CCSER1: variants seen among roughly 807,000 people sequenced by gnomAD.
CCSER1 encodes serine-rich coiled-coil domain-containing protein 1.
In CCSER1, 41 loss-of-function variants were observed where a neutral mutation model predicts 82.0. That is an observed-to-expected ratio of 0.50 (90% CI 0.39 to 0.65). The LOEUF (loss-of-function observed/expected upper bound fraction) is 0.65, where lower values mean the gene tolerates loss of function less well. Among genes scored for constraint, CCSER1 ranks in the 30% least tolerant of loss-of-function variants. CCSER1 has a pLI of 0.00. For missense variants in CCSER1, 1,119 were observed against 1,064.2 expected, an observed-to-expected ratio of 1.05 and a Z score of -0.72; for synonymous variants, 414 against 383.9, an observed-to-expected ratio of 1.08 and a Z score of -0.92.
At chr4:90,401,231 G>A (rs775147474) in intron 4 of CCSER1, among the ~76,000 whole-genome samples, 3 of 152,098 alleles carry the variant, frequency 2.0e-5, no homozygotes, top group Non-Finnish European at 2.9e-5. Flanking sequence ...TCCTGTAGTT[G>A]ATTTGACAGA....
chr4:90,155,163 T>G (rs1184030794), intron 1 of CCSER1, among the ~76,000 whole-genome samples: 1 of 152,252 alleles, frequency 6.6e-6, no homozygotes, highest in African/African-American at 2.4e-5. Context: ...TTTGGTTCTG[T>G]TTATACGCTG....
At chr4:91,192,648 T>G (rs1735098754) in intron 10 of CCSER1, among the ~76,000 whole-genome samples, 1 of 152,160 alleles carries the variant, frequency 6.6e-6, no homozygotes, top group African/African-American at 2.4e-5. Context: ...AGAACCTTGA[T>G]TTAGCCCTCA....
chr4:91,542,617 T>G (rs951314961), intron 10 of CCSER1, among the ~76,000 whole-genome samples: 10 of 152,164 alleles, frequency 6.6e-5, no homozygotes, highest in Admixed American at 2.0e-4. Flanking sequence ...TGGTTTTGAG[T>G]GAGTTTCTTA....
intron 10 of CCSER1, among the ~76,000 whole-genome samples, chr4:91,479,175 CTT>C (rs572030783): frequency 7.0e-6 from 1 of 142,098 alleles, no homozygotes; most frequent in Non-Finnish European, 1.5e-5. Context: ...TATTTTCTTT[CTT>C]TTTTTTTTTA....
chr4:91,174,692 G>T lies in CCSER1; in HGVS notation c.2217+88698G>T, dbSNP rs1265381701. Among the ~76,000 whole-genome samples, 7 of 152,094 alleles carry T rather than the reference G, an allele frequency of 4.6e-5. No individual in the cohort carries two copies. The East Asian group carries it at 5.8e-4, about 13-fold the overall frequency. Reference sequence around the variant, plus strand: ...ATTATCCAACTATCTAATGTTTAATGTGTTATACCATTGATAAAAATCAGA... The same window carrying T: ...ATTATCCAACTATCTAATGTTTAATTTGTTATACCATTGATAAAAATCAGA... On this transcript the variant is annotated intron_variant, in intron 10 of 10. Transcript: ENST00000509176.
At chr4:91,442,897 G>T (rs897986463) in intron 10 of CCSER1, among the ~76,000 whole-genome samples, 1 of 152,232 alleles carries the variant, frequency 6.6e-6, no homozygotes, top group African/African-American at 2.4e-5. Flanking sequence ...GGCCGTCAGA[G>T]AAATGCAAAT....
chr4:90,756,686 T>G (rs1580327801), intron 7 of CCSER1, among the ~76,000 whole-genome samples: 1 of 152,206 alleles, frequency 6.6e-6, no homozygotes, highest in Non-Finnish European at 1.5e-5. Flanking sequence ...TGGCAAGATA[T>G]AAAAATTATA....
intron 5 of CCSER1, among the ~76,000 whole-genome samples, chr4:90,487,999 A>G (rs1168632475): frequency 6.6e-6 from 1 of 152,168 alleles, no homozygotes; most frequent in Non-Finnish European, 1.5e-5. Flanking sequence ...TTGTCTTCTT[A>G]TAAGGATTGC....
intron 1 of CCSER1, among the ~76,000 whole-genome samples, chr4:90,203,901 G>T (rs1054777334): frequency 6.6e-6 from 1 of 152,096 alleles, no homozygotes; most frequent in Non-Finnish European, 1.5e-5. Flanking sequence ...GCACGAGATG[G>T]TATCTCATTG....
intron 10 of CCSER1, among the ~76,000 whole-genome samples, chr4:91,308,162 A>G (rs995682930): frequency 4.0e-5 from 6 of 151,836 alleles, no homozygotes; most frequent in African/African-American, 1.4e-4. Context: ...GAACGCAAAG[A>G]GATTTTATAC....
chr4:90,324,756 C>A (rs1318555629), intron 3 of CCSER1, among the ~76,000 whole-genome samples: 1 of 152,152 alleles, frequency 6.6e-6, no homozygotes, highest in Non-Finnish European at 1.5e-5. Flanking sequence ...ATGCCTACAT[C>A]CTGAATGGTA....
intron 5 of CCSER1, among the ~76,000 whole-genome samples, chr4:90,539,858 T>A (rs1775884950): frequency 6.6e-6 from 1 of 152,104 alleles, no homozygotes. Flanking sequence ...GTGATCACTT[T>A]TTGTGTAGAG....
In CCSER1 at chr4:90,158,904, G is replaced by A. The variant is rs555283053; in HGVS notation, c.-42+31073G>A. On this transcript the variant is annotated intron_variant, in intron 1 of 10. Coordinates refer to ENST00000509176, the MANE Select transcript of CCSER1 (RefSeq NM_001145065.2). ...ACCCACTGTCCTGCGCCCACTATCTGGCACTCCGCAGTGAGATGAACCCAG... is the reference window on the plus strand; with the variant it reads ...ACCCACTGTCCTGCGCCCACTATCTAGCACTCCGCAGTGAGATGAACCCAG... Among the ~76,000 whole-genome samples the A allele has an allele frequency of 9.4e-4, 143 of 152,182 alleles. 3 individuals are homozygous for A. The highest frequency in any genetic ancestry group is 2.6e-4 in the Non-Finnish European group (18 of 67,992).
intron 7 of CCSER1, among the ~76,000 whole-genome samples, chr4:90,803,631 T>C (rs1352031584): frequency 6.6e-6 from 1 of 152,216 alleles, no homozygotes; most frequent in Non-Finnish European, 1.5e-5. Flanking sequence ...TTTGGGTTGG[T>C]TCCAAGTCTT....
In CCSER1 at chr4:90,221,787, A is replaced by T. The variant is rs367804991; in HGVS notation, c.-41-86457A>T. On this transcript the variant is annotated intron_variant, in intron 1 of 10. Transcript: ENST00000509176. ...GAGTTTAGATGCCTTGACTATTTGA[A>T]CTGATCTGGTACAGGACAAAAACTA... Among the ~76,000 whole-genome samples the T allele has an allele frequency of 1.8e-3, 281 of 152,246 alleles. 1 individual carries two copies. Among genetic ancestry groups the T allele is most frequent in the African/African-American group, 5.9e-3 (246 of 41,566 alleles).
At chr4:91,266,953 A>G (rs886880217) in intron 10 of CCSER1, among the ~76,000 whole-genome samples, 1 of 152,154 alleles carries the variant, frequency 6.6e-6, no homozygotes, top group South Asian at 2.1e-4. Context: ...CTGATTCCAG[A>G]TAATTGGAAA....
At chr4:90,474,422 G>A (rs961530519) in intron 5 of CCSER1, among the ~76,000 whole-genome samples, 1 of 152,182 alleles carries the variant, frequency 6.6e-6, no homozygotes, top group African/African-American at 2.4e-5. Context: ...CAAGTGACAT[G>A]GTTAGATTTG....
intron 5 of CCSER1, among the ~76,000 whole-genome samples, chr4:90,616,425 A>G (rs1306641426): frequency 6.6e-6 from 1 of 152,150 alleles, no homozygotes; most frequent in Non-Finnish European, 1.5e-5. Context: ...TCACACCTGT[A>G]ATCCTAGCAC....
intron 9 of CCSER1, among the ~76,000 whole-genome samples, chr4:91,018,328 T>C (rs1022073735): frequency 6.6e-6 from 1 of 152,122 alleles, no homozygotes; most frequent in African/African-American, 2.4e-5. Flanking sequence ...TTTCTTACCC[T>C]GCTTTGAATC....
Sources: gnomAD v4.1 joint callset for allele counts (sites outside exome capture counted in the v4.1 genomes callset) on GRCh38, gnomAD v4.1.1 for gene constraint, MANE v1.5 for transcripts, NCBI Gene and HGNC (gene_info 2026-07-23, HGNC 2026-07-21) for gene names.